The following THADA variants were observed in gnomAD, a reference collection of about 807,000 sequenced individuals.
THADA encodes the protein tRNA (32-2'-O)-methyltransferase regulator THADA.
A neutral mutation model predicts 219.8 loss-of-function variants in THADA; 213 were observed. That is an observed-to-expected ratio of 0.97 (90% CI 0.87 to 1.09). The LOEUF is 1.09. Among genes scored for constraint, THADA ranks in the 50% least tolerant of loss-of-function variants. The pLI is 0.00. For missense variants in THADA, 2,956 were observed against 2,311.3 expected (o/e 1.28, Z -5.72); for synonymous variants, 1,018 against 828.9 (o/e 1.23, Z -3.92).
chr2:43,244,844 G>T (rs746005828), intron 36 of THADA, among the ~76,000 whole-genome samples: 6 of 152,174 alleles, frequency 3.9e-5, no homozygotes, highest in Non-Finnish European at 8.8e-5. Flanking sequence ...GGTGGTAAGT[G>T]CCTTGCACTT....
intron 36 of THADA, among the ~76,000 whole-genome samples, chr2:43,239,821 G>A (rs1668433384): frequency 6.6e-6 from 1 of 152,160 alleles, no homozygotes. Flanking sequence ...CCAAGGTGTT[G>A]GGTGGCCCTG....
At chr2:43,520,721 C>G in intron 22 of THADA, among the ~76,000 whole-genome samples, 1 of 132,488 alleles carries the variant, frequency 7.5e-6, no homozygotes, top group East Asian at 2.2e-4. Context: ...TATACACACA[C>G]ACACACACAC....
chr2:43,516,428 TTAAA>T (rs753910358), intron 22 of THADA, among the ~76,000 whole-genome samples: 54 of 152,154 alleles, frequency 3.5e-4, no homozygotes, highest in Non-Finnish European at 5.7e-4. Context: ...CTGATGTTCC[TTAAA>T]TACCTACCCT....
intron 13 of THADA, among the ~76,000 whole-genome samples, chr2:43,570,914 C>T (rs10211106): frequency 0.35 from 53,928 of 151,990 alleles, 10,286 homozygotes; most frequent in African/African-American, 0.5. Context: ...CAGCATTAGA[C>T]TTTTTCTTTA....
At chr2:43,595,445 G>C (rs931307118) in intron 1 of THADA, among the ~76,000 whole-genome samples, 1 of 152,196 alleles carries the variant, frequency 6.6e-6, no homozygotes, top group Non-Finnish European at 1.5e-5. Flanking sequence ...ACTATTCTCT[G>C]GTGAAAGGTA....
In THADA at chr2:43,370,801, T is replaced by G. The variant is rs1180624290; in HGVS notation, c.4228-26564A>C. On this transcript the variant is annotated intron_variant, in intron 29 of 37. Transcript: ENST00000405975. ...TAATGAATGGTCTGAATAATGAGAT[T>G]CATCCCTGAAACTCAGTAGATTTCA... is the stretch of plus-strand genomic sequence containing the variant. 2.0e-5 allele frequency among the ~76,000 whole-genome samples: 3 copies of G among 152,290 alleles called. 1 individual carries two copies. Among genetic ancestry groups the G allele is most frequent in the South Asian group, 4.1e-4 (2 of 4,822 alleles).
chr2:43,502,513 A>G (rs906566642), intron 24 of THADA, among the ~76,000 whole-genome samples: 3 of 149,754 alleles, frequency 2.0e-5, no homozygotes, highest in Non-Finnish European at 4.4e-5. Flanking sequence ...TGAACCTGGA[A>G]GGCAGAGGTT....
chr2:43,506,473 C>CAA (rs923360365), intron 23 of THADA, among the ~76,000 whole-genome samples: 1 of 152,152 alleles, frequency 6.6e-6, no homozygotes, highest in East Asian at 1.9e-4. Flanking sequence ...AAGCCACACA[C>CAA]AAAAGATCGT....
intron 25 of THADA, among the ~76,000 whole-genome samples, chr2:43,491,052 C>T (rs1687570757): frequency 6.6e-6 from 1 of 152,148 alleles, no homozygotes. Context: ...CCCTAGATTT[C>T]TGTGTGACAG....
At chr2:43,462,773 C>T (rs916789934) in intron 26 of THADA, among the ~76,000 whole-genome samples, 12 of 151,766 alleles carry the variant, frequency 7.9e-5, no homozygotes. Context: ...GGGAGAACTC[C>T]AAATCAAAAT....
intron 36 of THADA, among the ~76,000 whole-genome samples, chr2:43,240,820 T>C (rs1047168297): frequency 2.6e-5 from 4 of 152,216 alleles, no homozygotes; most frequent in Non-Finnish European, 5.9e-5. Flanking sequence ...TAACAGTCTC[T>C]GTCCTTTATC....
intron 17 of THADA, among the ~76,000 whole-genome samples, chr2:43,554,750 G>A (rs1360849854): frequency 2.0e-5 from 3 of 152,128 alleles, no homozygotes; most frequent in Non-Finnish European, 4.4e-5. Flanking sequence ...AGTTCAAGAT[G>A]CACATACTTT....
chr2:43,521,678 G>C (rs1370631183), intron 22 of THADA, among the ~76,000 whole-genome samples: 2 of 152,234 alleles, frequency 1.3e-5, no homozygotes. Context: ...CCTTTGTATT[G>C]TCTTGAGCAG....
chr2:43,496,491 T>A (rs1029000673), intron 25 of THADA, among the ~76,000 whole-genome samples: 3 of 152,172 alleles, frequency 2.0e-5, no homozygotes, highest in Non-Finnish European at 4.4e-5. Flanking sequence ...TAGAGTTTAT[T>A]TGTAGCACTA....
intron 15 of THADA, chr2:43,563,478 T>C (rs1372716944): frequency 6.6e-6 from 1 of 152,208 alleles, no homozygotes; most frequent in Non-Finnish European, 1.5e-5. Flanking sequence ...TAATCTTGTA[T>C]CTACATAATG....
intron 26 of THADA, among the ~76,000 whole-genome samples, chr2:43,445,513 C>A (rs935715018): frequency 6.6e-6 from 1 of 152,176 alleles, no homozygotes; most frequent in Non-Finnish European, 1.5e-5. Flanking sequence ...GTATTCATAG[C>A]GATGGATCTA....
At chr2:43,276,692 A>G (rs1326542030) in intron 36 of THADA, among the ~76,000 whole-genome samples, 1 of 152,186 alleles carries the variant, frequency 6.6e-6, no homozygotes, top group Non-Finnish European at 1.5e-5. Context: ...CACAGCAGAT[A>G]AAGGTCTCCC....
rs11899823 is a variant in THADA at position 43,574,573 on chromosome 2, A to G, written c.1492T>C (p.Leu498=). The change falls in exon 11 of 38, where the codon TTG becomes CTG. Residue 498 remains leucine, a synonymous_variant. Transcript: ENST00000405975. ...TTATGATTTCTAAACATGGTTTCCA[A>G]GAGGTCACTTGCATAAGGTACCAAT... The part of the protein sequence containing the change: ...QSLVPYASDL[L]ETMFRNHKSH... 527,927 of 1,613,642 alleles carry G rather than the reference A, an allele frequency of 0.33. 87,926 individuals are homozygous for G. The highest frequency in any genetic ancestry group is 0.39 in the African/African-American group (29,015 of 74,946).
intron 7 of THADA, among the ~76,000 whole-genome samples, chr2:43,582,828 C>T (rs1409329014): frequency 6.6e-6 from 1 of 152,050 alleles, no homozygotes; most frequent in African/African-American, 2.4e-5. Flanking sequence ...CTCGCCCTCC[C>T]AAAGTGCTGA....
Sources: gnomAD v4.1 joint callset for allele counts (sites outside exome capture counted in the v4.1 genomes callset) on GRCh38, gnomAD v4.1.1 for gene constraint, MANE v1.5 for transcripts, NCBI Gene and HGNC (gene_info 2026-07-23, HGNC 2026-07-21) for gene names.